The following CPSF3 variants were observed in gnomAD, a reference collection of about 807,000 sequenced individuals.
CPSF3 encodes cleavage and polyadenylation specificity factor subunit 3.
CPSF3 carries 57 observed loss-of-function variants against 84.1 expected under a neutral mutation model. That is an observed-to-expected ratio of 0.68 (90% confidence interval 0.55 to 0.85). The LOEUF is 0.85. Ranked by LOEUF, CPSF3 falls within the 40% of genes least tolerant of loss-of-function variation. The pLI is 0.00. For missense variants in CPSF3, 522 were observed against 838.8 expected (o/e 0.62, Z 4.66); for synonymous variants, 275 against 278.1 (o/e 0.99, Z 0.11).
At chr2:9,424,166 G>C (rs1323075009) in intron 1 of CPSF3, 11 of 1,049,970 alleles carry the variant, frequency 1.0e-5, no homozygotes, top group Middle Eastern at 4.4e-4. Context: ...AGGGCAAGCT[G>C]TGAGGGAGCC....
intron 10 of CPSF3, among the ~76,000 whole-genome samples, chr2:9,444,217 C>T (rs1681053309): frequency 6.7e-6 from 1 of 148,640 alleles, no homozygotes; most frequent in Non-Finnish European, 1.5e-5. Flanking sequence ...GCAACTCCGC[C>T]TCCCGGGTTC....
intron 15 of CPSF3, 56 bp downstream of exon 15, chr2:9,459,674 G>A: frequency 2.9e-6 from 2 of 701,444 alleles, no homozygotes; most frequent in South Asian, 1.9e-5. Flanking sequence ...TTTGGAGACG[G>A]ATACTAGCTC....
intron 12 of CPSF3, among the ~76,000 whole-genome samples, chr2:9,454,945 T>C (rs1434013649): frequency 6.6e-6 from 1 of 152,094 alleles, no homozygotes; most frequent in Non-Finnish European, 1.5e-5. Context: ...CAGTGGCATA[T>C]AGAAGCTCAT....
At position 9,428,028 on chromosome 2, in the gene CPSF3, G is replaced by A. The variant is rs1031773361; in HGVS notation, c.51-737G>A. 2.8e-3 allele frequency among the ~76,000 whole-genome samples: 412 copies of A among 146,554 alleles called. 2 individuals carry two copies. Among genetic ancestry groups the A allele is most frequent in the African/African-American group, 1.0e-2 (393 of 39,406 alleles). The stretch of plus-strand genomic sequence containing the variant: ...TTTTTTTTTTTTGAGGCAGAGTCTC[G>A]CTCTGTTGCCCAGGCTGGAGCGCAG... On this transcript the variant is annotated intron_variant, in intron 1 of 17. Coordinates refer to ENST00000238112, the MANE Select transcript of CPSF3 (RefSeq NM_016207.4).
At chr2:9,448,706 G>A (rs556934547) in intron 11 of CPSF3, among the ~76,000 whole-genome samples, 8 of 152,204 alleles carry the variant, frequency 5.3e-5, no homozygotes, top group Admixed American at 2.6e-4. Flanking sequence ...ACAGGTGCGC[G>A]CCACCACGCC....
At chr2:9,432,416 C>A in intron 4 of CPSF3, 95 bp from the exon 5 acceptor site, 2 of 781,926 alleles carry the variant, frequency 2.6e-6, no homozygotes, top group Non-Finnish European at 3.7e-6. Context: ...AAAGAAATAT[C>A]TTCATGGAGA....
chr2:9,434,722 C>A (rs1171834114), intron 6 of CPSF3, among the ~76,000 whole-genome samples: 1 of 151,660 alleles, frequency 6.6e-6, no homozygotes. Flanking sequence ...CCCAGGGGAG[C>A]AAAAAAAATG....
At chr2:9,465,656 T>G (rs1681880179) in intron 15 of CPSF3, among the ~76,000 whole-genome samples, 2 of 152,250 alleles carry the variant, frequency 1.3e-5, no homozygotes, top group Non-Finnish European at 2.9e-5. Flanking sequence ...CATCCAAACT[T>G]GAGATTTTCA....
rs185944147 is a variant in CPSF3 at position 9,467,499 on chromosome 2, T to A, written c.1787-208T>A. On this transcript the variant is annotated intron_variant, in intron 15 of 17. Coordinates refer to ENST00000238112, the MANE Select transcript of CPSF3 (RefSeq NM_016207.4). The stretch of plus-strand genomic sequence containing the variant: ...AAAAGATGTAATAGAAAATTTTTTT[T>A]AAATACACATAAAAAGAACATGAAA... Among the ~76,000 whole-genome samples, 468 of 152,262 alleles carry A rather than the reference T, an allele frequency of 3.1e-3. 2 individuals carry two copies. Among genetic ancestry groups the A allele is most frequent in the South Asian group, 0.014 (69 of 4,820 alleles).
At chr2:9,467,635 G>T in intron 15 of CPSF3, 72 bp from the exon 16 acceptor site, 2 of 1,138,054 alleles carry the variant, frequency 1.8e-6, no homozygotes, top group South Asian at 2.7e-5. Flanking sequence ...ACCAGATTCT[G>T]ATTATTGATT....
At chr2:9,443,789 T>C in intron 10 of CPSF3, 128 bp downstream of exon 10, 1 of 973,048 alleles carries the variant, frequency 1.0e-6, no homozygotes, top group Non-Finnish European at 1.5e-6. Context: ...GCAGAGCCTT[T>C]CACATGCACT....
intron 1 of CPSF3, chr2:9,424,211 C>T (rs1252300230): frequency 1.1e-5 from 11 of 1,015,904 alleles, no homozygotes; most frequent in Non-Finnish European, 1.1e-5. Flanking sequence ...GAGAGGAGGA[C>T]CTGAATGAGG....
intron 7 of CPSF3, among the ~76,000 whole-genome samples, chr2:9,437,433 A>T (rs913085478): frequency 1.3e-5 from 2 of 152,124 alleles, no homozygotes; most frequent in Non-Finnish European, 2.9e-5. Flanking sequence ...ACAAAAAAAA[A>T]ACTATATGTA....
At chr2:9,470,904 TAAG>T (rs1231621866) in intron 16 of CPSF3, among the ~76,000 whole-genome samples, 6 of 152,296 alleles carry the variant, frequency 3.9e-5, no homozygotes, top group African/African-American at 1.4e-4. Context: ...TCAAGGCAAA[TAAG>T]AAGCTTGTCT....
Position 9,436,343 on chromosome 2 carries a change from G to A in CPSF3, c.742G>A (p.Glu248Lys). The change falls in exon 7 of 18, where the codon GAG (glutamate) becomes AAG (lysine). Residue 248 changes from glutamate to lysine, a missense_variant. Transcript: ENST00000238112. ...IPVFALGRAQ[E>K]LLLILDEYWQ... ...TGTCTTTGCTCTTGGAAGGGCTCAG[G>A]AGCTGCTCTTGATTCTAGGTATGCC... is the stretch of plus-strand genomic sequence containing the variant. 6.2e-7 allele frequency: 1 copy of A among 1,609,372 alleles called. No homozygotes were observed. The highest frequency in any genetic ancestry group is 1.7e-5 in the Admixed American group (1 of 58,428).
chr2:9,456,855 G>C, intron 13 of CPSF3, 78 bp from the exon 14 acceptor site: 1 of 819,006 alleles, frequency 1.2e-6, no homozygotes, highest in Non-Finnish European at 1.9e-6. Context: ...TATTTTAGCT[G>C]TCTCTATAAA....
intron 4 of CPSF3, among the ~76,000 whole-genome samples, chr2:9,431,168 C>T (rs758413832): frequency 5.2e-4 from 79 of 152,202 alleles, no homozygotes; most frequent in Middle Eastern, 3.4e-3. Flanking sequence ...GCAGTCCTTC[C>T]ACCTCAGCCT....
At chr2:9,464,843 T>C (rs1190462416) in intron 15 of CPSF3, among the ~76,000 whole-genome samples, 7 of 152,058 alleles carry the variant, frequency 4.6e-5, no homozygotes, top group Non-Finnish European at 8.8e-5. Context: ...CTGCCCACCT[T>C]GGCCTCCCAG....
intron 7 of CPSF3, 47 bp downstream of exon 7, chr2:9,436,408 T>C: frequency 6.4e-7 from 1 of 1,556,930 alleles, no homozygotes; most frequent in South Asian, 1.2e-5. Context: ...ATCTTGTCAT[T>C]TTATCAAGAT....
Sources: gnomAD v4.1 joint callset for allele counts (sites outside exome capture counted in the v4.1 genomes callset) on GRCh38, gnomAD v4.1.1 for gene constraint, MANE v1.5 for transcripts, NCBI Gene and HGNC (gene_info 2026-07-23, HGNC 2026-07-21) for gene names.